KCNK2: variants seen among roughly 807,000 people sequenced by gnomAD.
The protein encoded by KCNK2 is potassium two pore domain channel subfamily K member 2, also known as potassium channel subfamily K member 2.
A neutral mutation model predicts 40.5 loss-of-function variants in KCNK2; 21 were observed. The ratio of observed to expected loss-of-function variants is 0.52; its 90% CI spans 0.37 to 0.75. KCNK2 has a LOEUF of 0.75. KCNK2 is among the 30% of genes least tolerant of loss of function. The pLI, the probability that KCNK2 is intolerant of heterozygous loss-of-function variation, is 0.00. For synonymous variants in KCNK2, 191 were observed against 202.2 expected (o/e 0.94, Z 0.47); for missense variants, 399 against 531.6 (o/e 0.75, Z 2.45).
At chr1:215,080,537 A>G (rs928394186), upstream of KCNK2, among the ~76,000 whole-genome samples, 2 of 152,224 alleles carry the variant, frequency 1.3e-5, no homozygotes, top group Admixed American at 6.5e-5. Context: ...TCAGCTATTT[A>G]GTAGGAATAA....
intron 3 of KCNK2, among the ~76,000 whole-genome samples, chr1:215,144,068 A>C (rs1662304554): frequency 6.6e-6 from 1 of 152,192 alleles, no homozygotes; most frequent in African/African-American, 2.4e-5. Flanking sequence ...CATGTGTGAG[A>C]AAACCTTGTA....
rs1206591811 is a variant in KCNK2, at chr1:215,235,402, G to C, written c.*257G>C. On this transcript the variant is annotated 3_prime_UTR_variant, in exon 7 of 7. Coordinates refer to ENST00000444842, the MANE Select transcript of KCNK2 (RefSeq NM_001017425.3). The stretch of plus-strand genomic sequence containing the variant: ...AATGTCTGATGCCTTTTTGTGCCCA[G>C]ACTGTTTTCCTCTCTCTTTCCCTAA... 1 of 414,210 alleles carries C rather than the reference G, an allele frequency of 2.4e-6. No individual in the cohort carries two copies. Among genetic ancestry groups the C allele is most frequent in the Non-Finnish European group, 4.4e-6 (1 of 229,276 alleles). The allele number at this position is 414,210 out of a possible 1,614,324, so 25.7% of individuals were successfully genotyped here.
At chr1:215,009,725 T>C (rs960026149) in intron 1 of KCNK2, among the ~76,000 whole-genome samples, 3 of 152,108 alleles carry the variant, frequency 2.0e-5, no homozygotes, top group African/African-American at 7.2e-5. Context: ...TTGTATTGTG[T>C]CATCCACAGA....
At chr1:215,017,653 A>C (rs1260843178) in intron 1 of KCNK2, among the ~76,000 whole-genome samples, 1 of 152,120 alleles carries the variant, frequency 6.6e-6, no homozygotes, top group African/African-American at 2.4e-5. Flanking sequence ...TAAATTCAAG[A>C]GATTTATTGT....
intron 2 of KCNK2, among the ~76,000 whole-genome samples, chr1:215,088,420 A>G (rs763938605): frequency 3.3e-5 from 5 of 152,158 alleles, no homozygotes; most frequent in Non-Finnish European, 7.3e-5. Flanking sequence ...AGGTAAAGAG[A>G]TAATCCACAT....
At chr1:215,089,403 A>T (rs2102534264) in intron 2 of KCNK2, among the ~76,000 whole-genome samples, 1 of 152,246 alleles carries the variant, frequency 6.6e-6, no homozygotes, top group African/African-American at 2.4e-5. Context: ...TATTATGGAG[A>T]GTGAGGACAG....
In KCNK2 at chr1:215,234,938, C is replaced by T; in HGVS notation, c.1074C>T (p.Ala358=). The change falls in exon 7 of 7, where the codon GCC becomes GCT. Residue 358 remains alanine, a synonymous_variant. Coordinates refer to ENST00000444842, the MANE Select transcript of KCNK2 (RefSeq NM_001017425.3). ...AGATTTATGACAAGTTCCAGCGGGC[C>T]ACCTCCATCAAGCGGAAGCTCTCGG... ...SVEIYDKFQR[A]TSIKRKLSAE... 6.2e-7 allele frequency: 1 copy of T among 1,614,016 alleles called. No individual in the cohort carries two copies. Among genetic ancestry groups the T allele is most frequent in the South Asian group, 1.1e-5 (1 of 91,066 alleles).
chr1:215,099,895 G>A (rs537692012), intron 2 of KCNK2, among the ~76,000 whole-genome samples: 20 of 152,076 alleles, frequency 1.3e-4, no homozygotes, highest in Admixed American at 3.3e-4. Context: ...TTCCCATTGG[G>A]AAAATAAAAA....
At chr1:215,228,890 G>T (rs1031064071) in intron 6 of KCNK2, among the ~76,000 whole-genome samples, 3 of 152,094 alleles carry the variant, frequency 2.0e-5, no homozygotes, top group Non-Finnish European at 4.4e-5. Context: ...ACCAGGAAAA[G>T]ATATGAGTCC....
intron 2 of KCNK2, among the ~76,000 whole-genome samples, chr1:215,094,301 A>G (rs1185093456): frequency 6.6e-6 from 1 of 152,046 alleles, no homozygotes; most frequent in East Asian, 1.9e-4. Flanking sequence ...CATCCCATAA[A>G]TACTTTCTGT....
chr1:215,064,287 TG>T (rs1658460795), intron 1 of KCNK2, among the ~76,000 whole-genome samples: 2 of 152,082 alleles, frequency 1.3e-5, no homozygotes, highest in African/African-American at 4.8e-5. Flanking sequence ...AACAATTTTT[TG>T]TGCTATAATG....
At chr1:215,104,394 A>G (rs1660347866) in intron 2 of KCNK2, among the ~76,000 whole-genome samples, 1 of 151,856 alleles carries the variant, frequency 6.6e-6, no homozygotes, top group Non-Finnish European at 1.5e-5. Flanking sequence ...AGCACTTTTC[A>G]TTTCTTTGAG....
rs200437003 is a variant in KCNK2, at chr1:215,083,292, C to G, written c.-94C>G. ...CCCGTGCAGCTCGGAGCGCGCAGCC[C>G]GTCTCTGAATAAGAAGTGAGTACAA... On this transcript the variant is annotated 5_prime_UTR_variant, in exon 1 of 7. Coordinates refer to ENST00000444842, the MANE Select transcript of KCNK2 (RefSeq NM_001017425.3). 158 of 1,613,380 alleles carry G rather than the reference C, an allele frequency of 9.8e-5. No homozygotes were observed. The highest frequency in any genetic ancestry group is 9.6e-4 in the East Asian group (43 of 44,720).
intron 6 of KCNK2, among the ~76,000 whole-genome samples, 188 bp downstream of exon 6, chr1:215,195,280 G>T (rs1324965620): frequency 6.6e-6 from 1 of 151,978 alleles, no homozygotes; most frequent in Non-Finnish European, 1.5e-5. Flanking sequence ...CTTAGAAAAT[G>T]TTTCTGTGCC....
chr1:215,036,853 A>C (rs2102489777), intron 1 of KCNK2, among the ~76,000 whole-genome samples: 1 of 151,948 alleles, frequency 6.6e-6, no homozygotes, highest in African/African-American at 2.4e-5. Flanking sequence ...AATTACACTG[A>C]TTTTATGTTT....
intron 2 of KCNK2, among the ~76,000 whole-genome samples, chr1:215,120,733 T>C (rs899151230): frequency 5.3e-5 from 8 of 152,320 alleles, no homozygotes; most frequent in Non-Finnish European, 1.2e-4. Context: ...ATTTTTAAGC[T>C]ACATAGCCTA....
chr1:215,124,841 G>T (rs1255796243), intron 3 of KCNK2, 91 bp downstream of exon 3: 1 of 780,924 alleles, frequency 1.3e-6, no homozygotes, highest in African/African-American at 1.7e-5. Context: ...TGGGCAAAAT[G>T]ATCTACTTAA....
chr1:215,203,711 C>G (rs1159781998), intron 6 of KCNK2, among the ~76,000 whole-genome samples: 1 of 151,812 alleles, frequency 6.6e-6, no homozygotes, highest in Non-Finnish European at 1.5e-5. Flanking sequence ...AAACCAGAGA[C>G]CAAAATAGCC....
At chr1:215,164,001 C>T (rs1354915585) in intron 3 of KCNK2, among the ~76,000 whole-genome samples, 2 of 152,126 alleles carry the variant, frequency 1.3e-5, no homozygotes, top group Non-Finnish European at 2.9e-5. Flanking sequence ...ATGGTACCAG[C>T]TCCTCTTTGT....
Sources: allele counts gnomAD v4.1 joint callset (sites outside exome capture counted in the v4.1 genomes callset), GRCh38; gene constraint gnomAD v4.1.1; transcripts MANE v1.5; gene names NCBI Gene and HGNC (gene_info 2026-07-23, HGNC 2026-07-21).